TEX9: variants seen among roughly 807,000 people sequenced by gnomAD.
TEX9 encodes testis expressed 9.
A neutral mutation model predicts 59.6 loss-of-function variants in TEX9; 74 were observed. That is an observed-to-expected ratio of 1.24 (90% confidence interval 1.03 to 1.51). The LOEUF is 1.51. Among genes scored for constraint, TEX9 ranks in the 40% most tolerant of loss-of-function variants. The probability of loss-of-function intolerance (pLI) is 0.00; values close to 1 mark genes in which losing one functional copy is unlikely to be tolerated. For missense variants in TEX9, 522 were observed against 447.8 expected, an observed-to-expected ratio of 1.17 and a Z score of -1.49; for synonymous variants, 186 against 152.2, an observed-to-expected ratio of 1.22 and a Z score of -1.64.
At chr15:56,428,117 T>C (rs1283346844) in intron 11 of TEX9, among the ~76,000 whole-genome samples, 1 of 152,088 alleles carries the variant, frequency 6.6e-6, no homozygotes, top group African/African-American at 2.4e-5. Context: ...GTTCTGACAC[T>C]TTCCTTCTTT....
intron 6 of TEX9, 56 bp from the exon 7 acceptor site, chr15:56,391,187 T>A (rs2048191685): frequency 2.5e-6 from 3 of 1,188,820 alleles, no homozygotes; most frequent in Non-Finnish European, 3.3e-6. Context: ...CTACCTTTCC[T>A]ATTTTGTTCA....
intron 1 of TEX9, among the ~76,000 whole-genome samples, chr15:56,284,125 G>A (rs777584291): frequency 2.2e-4 from 34 of 151,504 alleles, no homozygotes; most frequent in Non-Finnish European, 4.3e-4. Flanking sequence ...CCCTAAAAAT[G>A]TTTATGTCTT....
chr15:56,248,464 T>C (rs1195539995), intron 1 of TEX9, among the ~76,000 whole-genome samples: 1 of 152,158 alleles, frequency 6.6e-6, no homozygotes, highest in Admixed American at 6.5e-5. Context: ...AGTCATTCTT[T>C]CAAGTACCTT....
At chr15:56,333,868 C>G (rs1404768138) in intron 1 of TEX9, among the ~76,000 whole-genome samples, 2 of 152,142 alleles carry the variant, frequency 1.3e-5, no homozygotes, top group African/African-American at 4.8e-5. Flanking sequence ...TTTTTATATT[C>G]CATCAGCAAA....
intron 1 of TEX9, among the ~76,000 whole-genome samples, chr15:56,303,097 A>G (rs1369853124): frequency 5.9e-5 from 9 of 152,244 alleles, no homozygotes; most frequent in Admixed American, 5.9e-4. Flanking sequence ...GATAGACCCC[A>G]ATACAATAAT....
intron 12 of TEX9, chr15:56,428,918 A>G (rs1320863438): frequency 5.6e-6 from 3 of 535,678 alleles, no homozygotes; most frequent in Non-Finnish European, 9.7e-6. Context: ...CAGTACAAAA[A>G]TAACAGCTTG....
At chr15:56,307,694 AC>A (rs1232426887) in intron 1 of TEX9, among the ~76,000 whole-genome samples, 2 of 151,954 alleles carry the variant, frequency 1.3e-5, no homozygotes, top group African/African-American at 4.8e-5. Flanking sequence ...CATTTTAATC[AC>A]CCCCAAAAGA....
intron 1 of TEX9, among the ~76,000 whole-genome samples, chr15:56,338,262 A>G (rs1355194712): frequency 4.6e-5 from 7 of 152,240 alleles, no homozygotes; most frequent in Admixed American, 3.9e-4. Context: ...TACTTTTGCC[A>G]CTTGGATTCT....
chr15:56,436,076 G>A (rs1068681), intron 12 of TEX9, among the ~76,000 whole-genome samples: 2 of 152,014 alleles, frequency 1.3e-5, no homozygotes, highest in East Asian at 1.9e-4. Flanking sequence ...GGATATCCAG[G>A]AATTGAACTC....
intron 9 of TEX9, among the ~76,000 whole-genome samples, chr15:56,411,636 C>T (rs1027695808): frequency 2.0e-5 from 3 of 152,126 alleles, no homozygotes; most frequent in Admixed American, 6.6e-5. Context: ...CTGAAAGTAA[C>T]ATCTTTGGCA....
chr15:56,352,487 A>T (rs939611562), intron 1 of TEX9, among the ~76,000 whole-genome samples: 2 of 151,690 alleles, frequency 1.3e-5, no homozygotes, highest in South Asian at 4.2e-4. Flanking sequence ...TCCTGACCTC[A>T]GGCGATCCGC....
intron 1 of TEX9, among the ~76,000 whole-genome samples, chr15:56,333,709 C>A (rs941687828): frequency 1.1e-4 from 16 of 152,216 alleles, no homozygotes; most frequent in African/African-American, 3.4e-4. Context: ...AAAGGATATC[C>A]ACATTGGAAA....
At chr15:56,309,621 A>G (rs1409231122) in intron 1 of TEX9, among the ~76,000 whole-genome samples, 4 of 141,150 alleles carry the variant, frequency 2.8e-5, no homozygotes, top group African/African-American at 1.0e-4. Context: ...CTTGAGAAAG[A>G]TTGGTGTTAA....
chr15:56,283,162 G>A (rs936273066), intron 1 of TEX9, among the ~76,000 whole-genome samples: 3 of 151,874 alleles, frequency 2.0e-5, no homozygotes, highest in Admixed American at 1.3e-4. Flanking sequence ...TTGAGAGTTT[G>A]AAGGGACACA....
rs183922419 is a variant in TEX9, at chr15:56,430,157, T to C, written c.*29+1684T>C. 3.9e-5 allele frequency: 6 copies of C among 152,306 alleles called. No individual in the cohort carries two copies. Among genetic ancestry groups the C allele is most frequent in the African/African-American group, 1.4e-4 (6 of 41,584 alleles). 9.4% of individuals were successfully genotyped at this position (152,306 alleles called of 1,614,324 possible). A position where few individuals can be genotyped will look rare whatever the true frequency, so the allele number is the denominator to read the frequency against. ...AAATGGCATTTCTATAGCTGAAAGA[T>C]GGCGATCTTATTTATATGAGTCTAG... On this transcript the variant is annotated intron_variant, in intron 12 of 12. Transcript: ENST00000352903.
At chr15:56,285,233 C>T (rs1442487505) in intron 1 of TEX9, among the ~76,000 whole-genome samples, 3 of 151,830 alleles carry the variant, frequency 2.0e-5, no homozygotes, top group African/African-American at 7.3e-5. Context: ...TTTACTTTAC[C>T]CTCACTCTCA....
chr15:56,279,075 C>A (rs574781811), intron 1 of TEX9, among the ~76,000 whole-genome samples: 63 of 152,188 alleles, frequency 4.1e-4, no homozygotes, highest in African/African-American at 1.5e-3. Context: ...TAAATTTACT[C>A]ACAACATACA....
At chr15:56,259,799 T>C (rs1041102832) in intron 1 of TEX9, among the ~76,000 whole-genome samples, 7 of 152,090 alleles carry the variant, frequency 4.6e-5, no homozygotes, top group African/African-American at 1.4e-4. Context: ...TGGGATTGCA[T>C]TGAATCAATA....
chr15:56,303,986 G>A (rs1210705370), intron 1 of TEX9, among the ~76,000 whole-genome samples: 1 of 152,166 alleles, frequency 6.6e-6, no homozygotes, highest in Non-Finnish European at 1.5e-5. Flanking sequence ...AACAAGTAAT[G>A]AGATTAAAGC....
Sources: allele counts gnomAD v4.1 joint callset (sites outside exome capture counted in the v4.1 genomes callset), GRCh38; gene constraint gnomAD v4.1.1; transcripts MANE v1.5; gene names NCBI Gene and HGNC (gene_info 2026-07-23, HGNC 2026-07-21).